The following HPSE2 variants were observed in gnomAD, a reference collection of about 807,000 sequenced individuals.
HPSE2 encodes inactive heparanase-2.
Under a neutral mutation model 60.5 loss-of-function variants are expected in HPSE2, and 38 were observed. The observed-to-expected ratio is 0.63, with a 90% CI of 0.48 to 0.82. The LOEUF is 0.82. Ranked by LOEUF, HPSE2 falls within the 40% of genes least tolerant of loss-of-function variation. The pLI, the probability that HPSE2 is intolerant of heterozygous loss-of-function variation, is 0.00. For missense variants in HPSE2, 713 were observed against 740.4 expected, an observed-to-expected ratio of 0.96 and a Z score of 0.43; for synonymous variants, 295 against 293.2, an observed-to-expected ratio of 1.01 and a Z score of -0.06.
At chr10:98,964,024 T>G (rs1422079230) in intron 3 of HPSE2, among the ~76,000 whole-genome samples, 2 of 152,136 alleles carry the variant, frequency 1.3e-5, no homozygotes, top group African/African-American at 4.8e-5. Flanking sequence ...TAGTTGCGTG[T>G]TTACACAACT....
At chr10:99,263,448 A>G in the HPSE2 span, among the ~76,000 whole-genome samples, 9 of 152,228 alleles carry the variant, frequency 5.9e-5, no homozygotes, top group Non-Finnish European at 1.3e-4. Context: ...TCGCTACGCA[A>G]GGGTCCTCCA....
chr10:99,117,417 G>GAAAAAAA (rs1157232317), intron 3 of HPSE2, among the ~76,000 whole-genome samples: 26 of 24,816 alleles, frequency 1.0e-3, no homozygotes, highest in Non-Finnish European at 1.4e-3. Context: ...TTGTTTTTTT[G>GAAAAAAA]AAAAAAAAAA....
At chr10:98,778,676 C>A (rs999277737) in intron 3 of HPSE2, among the ~76,000 whole-genome samples, 9 of 152,110 alleles carry the variant, frequency 5.9e-5, no homozygotes, top group African/African-American at 1.2e-4. Flanking sequence ...TGCACACTTA[C>A]AAGAATTCAC....
At chr10:98,920,033 A>C (rs918120657) in intron 3 of HPSE2, among the ~76,000 whole-genome samples, 3 of 152,164 alleles carry the variant, frequency 2.0e-5, no homozygotes, top group African/African-American at 7.2e-5. Flanking sequence ...GCTGTCTGAT[A>C]GTCTCCAGCT....
chr10:99,070,427 G>C (rs977874925), intron 3 of HPSE2, among the ~76,000 whole-genome samples: 4 of 152,124 alleles, frequency 2.6e-5, no homozygotes, highest in Non-Finnish European at 5.9e-5. Flanking sequence ...TACTACCTAT[G>C]ATCTAAAAAG....
intron 7 of HPSE2, among the ~76,000 whole-genome samples, chr10:98,622,757 A>G (rs1946106793): frequency 6.6e-6 from 1 of 152,284 alleles, no homozygotes; most frequent in Non-Finnish European, 1.5e-5. Flanking sequence ...GGTAAAGATT[A>G]AGTAAAAATT....
intron 3 of HPSE2, among the ~76,000 whole-genome samples, chr10:99,005,943 G>C (rs1042885484): frequency 3.9e-5 from 6 of 152,136 alleles, no homozygotes; most frequent in African/African-American, 1.4e-4. Flanking sequence ...CAGGTGGGTG[G>C]GCCTGGAACC....
rs576821973 is a variant in HPSE2, at chr10:98,974,819, G to A, written c.610+169419C>T. 3.3e-5 allele frequency among the ~76,000 whole-genome samples: 5 copies of A among 152,100 alleles called. No homozygotes were observed. The South Asian group carries it at 1.0e-3, about 32-fold the overall frequency. ...GTTGTTAATAAATACCTCTCCATAAGCAACACTAACTAAAGATTGTATGTA... is the reference window on the plus strand; with the variant it reads ...GTTGTTAATAAATACCTCTCCATAAACAACACTAACTAAAGATTGTATGTA... On this transcript the variant is annotated intron_variant, in intron 3 of 11. Coordinates refer to ENST00000370552, the MANE Select transcript of HPSE2 (RefSeq NM_021828.5).
At chr10:99,114,822 G>A (rs1474051320) in intron 3 of HPSE2, among the ~76,000 whole-genome samples, 2 of 149,974 alleles carry the variant, frequency 1.3e-5, no homozygotes, top group Non-Finnish European at 3.0e-5. Flanking sequence ...GCTGAGGCAG[G>A]AGAATGGCGT....
chr10:99,021,998 C>A (rs1051752829), intron 3 of HPSE2, among the ~76,000 whole-genome samples: 1 of 150,254 alleles, frequency 6.7e-6, no homozygotes, highest in Non-Finnish European at 1.5e-5. Context: ...CCCATTAACT[C>A]GTCATTTACA....
Position 98,599,677 on chromosome 10 carries a change from G to T in HPSE2, c.1320+15227C>A, listed in dbSNP as rs111612516. On this transcript the variant is annotated intron_variant, in intron 9 of 11. Coordinates refer to ENST00000370552, the MANE Select transcript of HPSE2 (RefSeq NM_021828.5). ...CTCTTTCAATGCTATGCTGCCTAGG[G>T]TTGGAGGAGTGGTATAAAACTGTTC... Among the ~76,000 whole-genome samples, 653 of 152,298 alleles carry T rather than the reference G, an allele frequency of 4.3e-3. 3 individuals carry two copies. Among genetic ancestry groups the T allele is most frequent in the African/African-American group, 0.015 (629 of 41,544 alleles).
chr10:98,887,920 T>TATAATAATAATA (rs3979238), intron 3 of HPSE2, among the ~76,000 whole-genome samples: 4 of 147,586 alleles, frequency 2.7e-5, no homozygotes, highest in South Asian at 4.3e-4. Context: ...AAACTTAATG[T>TATAATAATAATA]ATAATAATAA....
intron 3 of HPSE2, among the ~76,000 whole-genome samples, chr10:99,109,753 T>C (rs1007388256): frequency 6.6e-6 from 1 of 152,202 alleles, no homozygotes; most frequent in East Asian, 1.9e-4. Flanking sequence ...AAATTTTCCA[T>C]ACACTAGGTT....
intron 6 of HPSE2, among the ~76,000 whole-genome samples, chr10:98,677,583 C>G (rs1322103298): frequency 6.6e-6 from 1 of 152,168 alleles, no homozygotes; most frequent in East Asian, 1.9e-4. Context: ...TGGACATTAA[C>G]CCCACTTAAC....
At chr10:98,952,347 TGTG>T (rs1955387063) in intron 3 of HPSE2, among the ~76,000 whole-genome samples, 2 of 151,354 alleles carry the variant, frequency 1.3e-5, no homozygotes, top group African/African-American at 2.4e-5. Context: ...TGTGTGTGTG[TGTG>T]TGTGTGTGTC....
At chr10:99,181,254 C>T (rs1364975219) in intron 2 of HPSE2, among the ~76,000 whole-genome samples, 3 of 149,852 alleles carry the variant, frequency 2.0e-5, no homozygotes, top group Admixed American at 6.7e-5. Context: ...AAAAATTAGC[C>T]GGGCGTAGTG....
chr10:99,100,411 A>G (rs559211224), intron 3 of HPSE2, among the ~76,000 whole-genome samples: 3 of 152,340 alleles, frequency 2.0e-5, no homozygotes, highest in Non-Finnish European at 4.4e-5. Flanking sequence ...GATCAAATGA[A>G]TGAAATGAAG....
rs569319232 is a variant in HPSE2 at position 98,500,793 on chromosome 10, A to C, written c.1321-10597T>G. On this transcript the variant is annotated intron_variant, in intron 9 of 11. Transcript: ENST00000370552. ...AGACCATTAGCAAGAATAACCAAGA[A>C]AAGAAGAAAAGAAGATTAAGAAAAG... Among the ~76,000 whole-genome samples, 3 of 152,250 alleles carry C rather than the reference A, an allele frequency of 2.0e-5. No individual in the cohort carries two copies. In the East Asian group the frequency reaches 5.8e-4, roughly 29 times the overall value.
intron 3 of HPSE2, among the ~76,000 whole-genome samples, chr10:98,889,905 G>T (rs550803359): frequency 6.6e-6 from 1 of 152,100 alleles, no homozygotes; most frequent in Non-Finnish European, 1.5e-5. Context: ...GCCTGGGTGG[G>T]CAGAACAGAA....
Sources: allele counts gnomAD v4.1 joint callset (sites outside exome capture counted in the v4.1 genomes callset), GRCh38; gene constraint gnomAD v4.1.1; transcripts MANE v1.5; gene names NCBI Gene and HGNC (gene_info 2026-07-23, HGNC 2026-07-21).